The following TENM3 variants were observed in gnomAD, a reference collection of about 807,000 sequenced individuals.
TENM3 encodes teneurin-3.
A neutral mutation model predicts 255.1 loss-of-function variants in TENM3; 63 were observed. The observed-to-expected ratio is 0.25, with a 90% CI of 0.20 to 0.30. The LOEUF (loss-of-function observed/expected upper bound fraction) is 0.30. Ranked by LOEUF, TENM3 falls within the 10% of genes least tolerant of loss-of-function variation. TENM3 has a pLI of 1.00. For missense variants in TENM3, 2,929 were observed against 3,461.1 expected, an observed-to-expected ratio of 0.85 and a Z score of 3.86; for synonymous variants, 1,306 against 1,322.3, an observed-to-expected ratio of 0.99 and a Z score of 0.27.
the TENM3 span, among the ~76,000 whole-genome samples, chr4:181,999,756 T>C: frequency 6.6e-6 from 1 of 152,150 alleles, no homozygotes; most frequent in Non-Finnish European, 1.5e-5. Context: ...CTAATGAAGA[T>C]GTTTTGTTAT....
the TENM3 span, among the ~76,000 whole-genome samples, chr4:181,493,603 C>T: frequency 6.6e-6 from 1 of 151,826 alleles, no homozygotes; most frequent in Admixed American, 6.6e-5. Flanking sequence ...CAAAATTAGC[C>T]GGGCATGGTG....
the TENM3 span, among the ~76,000 whole-genome samples, chr4:181,615,932 A>C: frequency 6.6e-6 from 1 of 152,264 alleles, no homozygotes; most frequent in East Asian, 1.9e-4. Flanking sequence ...GAGACAGAAA[A>C]ATTTTAAGTA....
At chr4:181,633,266 C>T in the TENM3 span, among the ~76,000 whole-genome samples, 5 of 152,036 alleles carry the variant, frequency 3.3e-5, no homozygotes, top group South Asian at 2.1e-4. Flanking sequence ...GCAAATTATC[C>T]GAGGAAAACC....
At chr4:182,032,416 G>C in the TENM3 span, among the ~76,000 whole-genome samples, 1 of 152,300 alleles carries the variant, frequency 6.6e-6, no homozygotes, top group South Asian at 2.1e-4. Context: ...GATCATGGTG[G>C]ATGAGCTTTT....
chr4:182,397,146 T>G (rs1323350088), intron 3 of TENM3, among the ~76,000 whole-genome samples: 1 of 151,224 alleles, frequency 6.6e-6, no homozygotes, highest in African/African-American at 2.4e-5. Context: ...GGGAAAAATC[T>G]ATAAGGATCT....
chr4:182,106,134 C>T, the TENM3 span, among the ~76,000 whole-genome samples: 1 of 152,150 alleles, frequency 6.6e-6, no homozygotes, highest in Non-Finnish European at 1.5e-5. Context: ...AATATTACCA[C>T]CAGGGCAAAG....
the TENM3 span, among the ~76,000 whole-genome samples, chr4:181,864,787 C>A: frequency 7.9e-5 from 12 of 152,280 alleles, no homozygotes; most frequent in South Asian, 1.7e-3. Flanking sequence ...TTAACTAGAG[C>A]TTTGTGTGTT....
chr4:182,718,815 G>A (rs574400734), intron 13 of TENM3, among the ~76,000 whole-genome samples: 4 of 152,234 alleles, frequency 2.6e-5, no homozygotes, highest in Non-Finnish European at 5.9e-5. Context: ...AGCCTGCTGC[G>A]AAGACTCATT....
the TENM3 span, among the ~76,000 whole-genome samples, chr4:181,471,601 GT>G: frequency 6.6e-6 from 1 of 152,076 alleles, no homozygotes; most frequent in African/African-American, 2.4e-5. Flanking sequence ...GCTCCTTTTG[GT>G]TTAACTGTCT....
chr4:182,221,337 G>A (rs552302599), intron 1 of TENM3, among the ~76,000 whole-genome samples: 13 of 152,260 alleles, frequency 8.5e-5, no homozygotes, highest in African/African-American at 2.9e-4. Context: ...ATTTTGTAAA[G>A]ACCAGAAACT....
At chr4:181,712,024 C>T in the TENM3 span, among the ~76,000 whole-genome samples, 5 of 152,122 alleles carry the variant, frequency 3.3e-5, no homozygotes, top group Non-Finnish European at 7.4e-5. Flanking sequence ...ATACAATTAT[C>T]GGTCAAATTC....
the TENM3 span, among the ~76,000 whole-genome samples, chr4:181,546,140 T>C: frequency 4.6e-5 from 7 of 152,310 alleles, no homozygotes; most frequent in East Asian, 1.9e-4. Flanking sequence ...TTTTAGACCA[T>C]GATAGTGTGC....
At chr4:182,309,491 ACT>A (rs1207124615) in intron 1 of TENM3, among the ~76,000 whole-genome samples, 19 of 151,908 alleles carry the variant, frequency 1.3e-4, no homozygotes, top group African/African-American at 4.4e-4. Context: ...CAGTCTGGAG[ACT>A]CTTCATCAGT....
At chr4:182,205,750 A>G (rs1230568721) in intron 1 of TENM3, among the ~76,000 whole-genome samples, 2 of 152,364 alleles carry the variant, frequency 1.3e-5, no homozygotes, top group South Asian at 2.1e-4. Context: ...TTTGACTGCT[A>G]TCTTCCCCTT....
At chr4:181,659,463 T>C in the TENM3 span, among the ~76,000 whole-genome samples, 1 of 152,188 alleles carries the variant, frequency 6.6e-6, no homozygotes, top group African/African-American at 2.4e-5. Context: ...CTATGGGGAA[T>C]AGAATTAGAG....
intron 1 of TENM3, among the ~76,000 whole-genome samples, chr4:182,265,798 T>C (rs1184564212): frequency 6.6e-6 from 1 of 152,248 alleles, no homozygotes; most frequent in African/African-American, 2.4e-5. Flanking sequence ...TTAAATCAGA[T>C]ATTTTAAAAG....
intron 3 of TENM3, among the ~76,000 whole-genome samples, chr4:182,572,515 G>A (rs1331120726): frequency 6.6e-6 from 1 of 152,198 alleles, no homozygotes; most frequent in African/African-American, 2.4e-5. Flanking sequence ...AAGAAATGCA[G>A]TAGCCTTGAA....
the TENM3 span, among the ~76,000 whole-genome samples, chr4:181,596,514 T>G: frequency 2.6e-5 from 4 of 152,208 alleles, no homozygotes; most frequent in African/African-American, 9.7e-5. Flanking sequence ...TCAGCCAACA[T>G]GTAAGCTAAC....
the TENM3 span, among the ~76,000 whole-genome samples, chr4:181,832,011 T>TGTGTGTGTGG: frequency 6.8e-6 from 1 of 147,314 alleles, no homozygotes; most frequent in Non-Finnish European, 1.5e-5. Flanking sequence ...TGTGTGTGTG[T>TGTGTGTGTGG]GTGTGTATAA....
Sources: gnomAD v4.1 joint callset for allele counts (sites outside exome capture counted in the v4.1 genomes callset) on GRCh38, gnomAD v4.1.1 for gene constraint, MANE v1.5 for transcripts, NCBI Gene and HGNC (gene_info 2026-07-23, HGNC 2026-07-21) for gene names.